The following TALDO1 variants were observed in gnomAD, a reference collection of about 807,000 sequenced individuals.
TALDO1 encodes transaldolase.
A neutral mutation model predicts 38.1 loss-of-function variants in TALDO1; 29 were observed. The observed-to-expected ratio is 0.76, with a 90% CI of 0.57 to 1.04. The LOEUF (loss-of-function observed/expected upper bound fraction) is 1.04, where lower values mean the gene tolerates loss of function less well. Ranked by LOEUF, TALDO1 falls within the 50% of genes least tolerant of loss-of-function variation. The pLI is 0.00. For synonymous variants in TALDO1, 207 were observed against 176.8 expected (o/e 1.17, Z -1.36); for missense variants, 499 against 438.1 (o/e 1.14, Z -1.24).
chr11:753,387 C>T (rs938860452), intron 1 of TALDO1, among the ~76,000 whole-genome samples: 19 of 152,180 alleles, frequency 1.2e-4, no homozygotes, highest in Admixed American at 1.0e-3. Flanking sequence ...AAAAACTAGC[C>T]GGCCGCAGTG....
intron 1 of TALDO1, among the ~76,000 whole-genome samples, chr11:748,124 A>T (rs533918556): frequency 2.0e-5 from 3 of 152,254 alleles, no homozygotes; most frequent in Non-Finnish European, 4.4e-5. Context: ...GCTGACTTCC[A>T]CGTGGCCAGT....
At chr11:756,127 T>C (rs1441527007) in intron 2 of TALDO1, 125 bp downstream of exon 2, 2 of 1,380,856 alleles carry the variant, frequency 1.4e-6, no homozygotes, top group Non-Finnish European at 1.9e-6. Context: ...AAAAACCCTA[T>C]CTTTTTGCCT....
chr11:761,962 GTTTTT>G (rs538232832), intron 4 of TALDO1, among the ~76,000 whole-genome samples: 1 of 151,110 alleles, frequency 6.6e-6, no homozygotes, highest in Non-Finnish European at 1.5e-5. Context: ...TCATTTGTGT[GTTTTT>G]TTGTTTTTTT....
intron 4 of TALDO1, among the ~76,000 whole-genome samples, chr11:762,693 G>A (rs1862959433): frequency 6.6e-6 from 1 of 152,260 alleles, no homozygotes; most frequent in African/African-American, 2.4e-5. Flanking sequence ...CTCATCCCAT[G>A]CCCCAGCCAC....
intron 1 of TALDO1, among the ~76,000 whole-genome samples, chr11:750,400 A>T (rs1367340733): frequency 1.3e-5 from 2 of 152,008 alleles, no homozygotes; most frequent in Admixed American, 6.6e-5. Flanking sequence ...AGTTGGGAGG[A>T]TCACTTAAGC....
intron 1 of TALDO1, among the ~76,000 whole-genome samples, chr11:749,174 G>A (rs1862708463): frequency 6.6e-6 from 1 of 152,152 alleles, no homozygotes; most frequent in South Asian, 2.1e-4. Context: ...GGAGGTTGAG[G>A]CAGGTGGATC....
At chr11:763,303 CGCCCTCACCTG>C in intron 4 of TALDO1, 30 bp from the exon 5 acceptor site, 1 of 544,338 alleles carries the variant, frequency 1.8e-6, no homozygotes, top group Non-Finnish European at 2.6e-6. Flanking sequence ...CACCTGTCCC[CGCCCTCACCTG>C]CCCCGCCCTC....
chr11:758,630 A>T (rs1862881887), intron 2 of TALDO1, among the ~76,000 whole-genome samples: 1 of 149,928 alleles, frequency 6.7e-6, no homozygotes, highest in Admixed American at 6.7e-5. Context: ...CTTGAGATGG[A>T]GTCTCGCTCT....
chr11:754,477 CTTAT>C (rs1014347696), intron 1 of TALDO1, among the ~76,000 whole-genome samples: 9 of 151,840 alleles, frequency 5.9e-5, no homozygotes, highest in African/African-American at 1.9e-4. Context: ...TATTTGTTTG[CTTAT>C]TTATTTATGA....
rs772647470 is a variant in TALDO1 at position 764,817 on chromosome 11, G to A, written c.986G>A (p.Arg329Gln). ...AVKLERMLTE[R>Q]MFNAENGK ...TCGTGCTCTGTTTGTTTCTAGGAAC[G>A]AATGTTCAATGCAGAGAATGGAAAG... The change falls in exon 8 of 8, where the codon CGA (arginine) becomes CAA (glutamine). Residue 329 changes from arginine (R) to glutamine (Q), a missense_variant. Transcript: ENST00000319006. The A allele has an allele frequency of 9.3e-6, 15 of 1,614,066 alleles. No individual in the cohort carries two copies. In the Admixed American group the frequency reaches 2.2e-4, roughly 23 times the overall value.
intron 4 of TALDO1, 131 bp downstream of exon 4, chr11:760,384 T>C (rs893522086): frequency 2.1e-6 from 3 of 1,410,890 alleles, no homozygotes; most frequent in Middle Eastern, 2.3e-4. Context: ...AGCCCACAGC[T>C]TGGACTTGAC....
At chr11:764,725 C>A in intron 7 of TALDO1, 88 bp from the exon 8 acceptor site, 1 of 1,597,970 alleles carries the variant, frequency 6.3e-7, no homozygotes, top group Non-Finnish European at 8.6e-7. Flanking sequence ...CCCACAAGGG[C>A]CTCCCTCCTT....
At chr11:753,205 C>G (rs979428403) in intron 1 of TALDO1, among the ~76,000 whole-genome samples, 3 of 151,660 alleles carry the variant, frequency 2.0e-5, no homozygotes, top group African/African-American at 7.3e-5. Context: ...ACCAGCCCGG[C>G]CAACATGGCA....
chr11:748,474 A>C (rs1370327007), intron 1 of TALDO1, among the ~76,000 whole-genome samples: 1 of 152,270 alleles, frequency 6.6e-6, no homozygotes, highest in African/African-American at 2.4e-5. Flanking sequence ...AGAGTAGACG[A>C]GCCTTGTGTC....
chr11:759,112 A>G (rs567624141), intron 3 of TALDO1, 55 bp downstream of exon 3: 2 of 1,435,898 alleles, frequency 1.4e-6, no homozygotes, highest in East Asian at 4.6e-5. Flanking sequence ...ACAGTTGCAC[A>G]CGTGGATGCC....
At position 756,646 on chromosome 11, in the gene TALDO1, G is replaced by A. The variant is rs576515732; in HGVS notation, c.221+644G>A. ...TTCTCCTGCCTCAGCCTGCCGAGCAGCTGGGATTACAGGCATGCGCCATCA... is the reference window on the plus strand; with the variant it reads ...TTCTCCTGCCTCAGCCTGCCGAGCAACTGGGATTACAGGCATGCGCCATCA... On this transcript the variant is annotated intron_variant, in intron 2 of 7. Transcript: ENST00000319006. Among the ~76,000 whole-genome samples, 3 of 151,772 alleles carry A rather than the reference G, an allele frequency of 2.0e-5. No homozygotes were observed. The East Asian group carries it at 5.8e-4, about 30-fold the overall frequency.
At position 755,990 on chromosome 11, in the gene TALDO1, G is replaced by A. The variant is rs772888456; in HGVS notation, c.209G>A (p.Arg70Gln). The change falls in exon 2 of 8, where the codon CGG (arginine) becomes CAG (glutamine). Residue 70 changes from arginine to glutamine, a missense_variant. Physicochemically the swap from Arg to Gln is conservative, Grantham distance 43. Coordinates refer to ENST00000319006, the MANE Select transcript of TALDO1 (RefSeq NM_006755.2). Reference protein sequence around the residue: ...ELVEEAIAYGRKLGGSQEDQI... With the variant: ...ELVEEAIAYGQKLGGSQEDQI... Reference sequence around the variant, plus strand: ...GTGGAGGAGGCGATTGCCTATGGCCGGAAGCTGGGCGGGTGAGTGCCTGGA... The same window carrying A: ...GTGGAGGAGGCGATTGCCTATGGCCAGAAGCTGGGCGGGTGAGTGCCTGGA... The A allele has an allele frequency of 2.4e-5, 38 of 1,612,932 alleles. No individual in the cohort carries two copies. Among genetic ancestry groups the A allele is most frequent in the Admixed American group, 1.5e-4 (9 of 59,910 alleles).
chr11:762,197 C>G (rs1185396594), intron 4 of TALDO1, among the ~76,000 whole-genome samples: 2 of 151,246 alleles, frequency 1.3e-5, no homozygotes, highest in African/African-American at 4.9e-5. Flanking sequence ...CTCCCAGCCT[C>G]AGGTGATCCG....
At chr11:751,152 T>A (rs559522399) in intron 1 of TALDO1, among the ~76,000 whole-genome samples, 5 of 152,084 alleles carry the variant, frequency 3.3e-5, no homozygotes, top group South Asian at 4.2e-4. Context: ...AGCCTTGACC[T>A]CCTGGGCTGA....
Sources: allele counts gnomAD v4.1 joint callset (sites outside exome capture counted in the v4.1 genomes callset), GRCh38; gene constraint gnomAD v4.1.1; transcripts MANE v1.5; gene names NCBI Gene and HGNC (gene_info 2026-07-23, HGNC 2026-07-21).